The following ARHGEF10L variants were observed in gnomAD, a reference collection of about 807,000 sequenced individuals.
ARHGEF10L encodes the protein Rho guanine nucleotide exchange factor 10 like.
A neutral mutation model predicts 141.2 loss-of-function variants in ARHGEF10L; 69 were observed. The observed-to-expected ratio is 0.49, with a 90% CI of 0.40 to 0.60. The LOEUF is 0.60. Among genes scored for constraint, ARHGEF10L ranks in the 20% least tolerant of loss-of-function variants. ARHGEF10L has a pLI of 0.00. For synonymous variants in ARHGEF10L, 711 were observed against 718.5 expected (o/e 0.99, Z 0.17); for missense variants, 1,482 against 1,734.3 (o/e 0.85, Z 2.58).
chr1:17,576,737 G>A (rs576882367), intron 1 of ARHGEF10L, among the ~76,000 whole-genome samples: 6 of 152,174 alleles, frequency 3.9e-5, no homozygotes, highest in African/African-American at 1.2e-4. Flanking sequence ...AGCACAGGAC[G>A]CTCAGGAAGC....
chr1:17,583,079 G>A (rs1175756622), intron 2 of ARHGEF10L, among the ~76,000 whole-genome samples: 1 of 149,386 alleles, frequency 6.7e-6, no homozygotes, highest in Non-Finnish European at 1.5e-5. Context: ...AAAAATAGCT[G>A]GGCATGGTGA....
intron 6 of ARHGEF10L, among the ~76,000 whole-genome samples, chr1:17,606,300 C>CTT (rs1042783664): frequency 2.0e-5 from 3 of 147,048 alleles, no homozygotes; most frequent in African/African-American, 2.5e-5. Flanking sequence ...TCTTCTTCTT[C>CTT]TTTTTTTTTT....
At chr1:17,691,638 T>C (rs2065117320) in intron 27 of ARHGEF10L, among the ~76,000 whole-genome samples, 1 of 152,210 alleles carries the variant, frequency 6.6e-6, no homozygotes, top group African/African-American at 2.4e-5. Context: ...ATTATCCTAA[T>C]AGCCTCTATT....
intron 25 of ARHGEF10L, among the ~76,000 whole-genome samples, chr1:17,662,740 C>T (rs1236133064): frequency 1.3e-5 from 2 of 152,144 alleles, no homozygotes; most frequent in Non-Finnish European, 2.9e-5. Flanking sequence ...CTTGTGACCA[C>T]ACCCCAGCAG....
At chr1:17,686,533 G>A (rs1205870118) in intron 26 of ARHGEF10L, among the ~76,000 whole-genome samples, 3 of 152,192 alleles carry the variant, frequency 2.0e-5, no homozygotes, top group Non-Finnish European at 4.4e-5. Context: ...GGTGGGGCCT[G>A]CCTCCTGGAC....
chr1:17,561,878 C>T (rs940525844), intron 1 of ARHGEF10L, among the ~76,000 whole-genome samples: 27 of 152,192 alleles, frequency 1.8e-4, no homozygotes, highest in African/African-American at 6.3e-4. Flanking sequence ...TGTTAGCTGT[C>T]GACCACAGCT....
chr1:17,682,370 TCCC>T (rs2064191809), intron 26 of ARHGEF10L, among the ~76,000 whole-genome samples: 2 of 152,130 alleles, frequency 1.3e-5, no homozygotes, highest in African/African-American at 4.8e-5. Context: ...TGTATCTCAG[TCCC>T]ACCACATAGG....
At position 17,673,282 on chromosome 1, in the gene ARHGEF10L, G is replaced by A. The variant is rs997839482; in HGVS notation, c.3009+8687G>A. On this transcript the variant is annotated intron_variant, in intron 26 of 28. Transcript: ENST00000361221. The surrounding 1 kb of genome is among the most constrained non-coding windows in gnomAD (Gnocchi z 4.1). ...TGGTAGCAGCCAGCCCCCGATCCTC[G>A]CCTCCCCTCCACTCTGTGTGTCTCT... Among the ~76,000 whole-genome samples, 3 of 151,860 alleles carry A rather than the reference G, an allele frequency of 2.0e-5. No individual in the cohort carries two copies. The highest frequency in any genetic ancestry group is 7.3e-5 in the African/African-American group (3 of 41,340).
chr1:17,529,820 C>G, the ARHGEF10L span, among the ~76,000 whole-genome samples: 1 of 136,652 alleles, frequency 7.3e-6, no homozygotes, highest in East Asian at 2.4e-4. Context: ...AGGAACACAT[C>G]AGTCTTTTTT....
Position 17,566,441 on chromosome 1 carries a change from T to C in ARHGEF10L, c.-43-14112T>C, listed in dbSNP as rs139603382. 4.1e-3 allele frequency among the ~76,000 whole-genome samples: 622 copies of C among 152,324 alleles called. 4 individuals are homozygous for C. The highest frequency in any genetic ancestry group is 0.014 in the African/African-American group (582 of 41,570). ...GTGGGATGGAAATTTTGAAATCCAA[T>C]ACTGTCTCCCTCCCCAACATCCCAT... On this transcript the variant is annotated intron_variant, in intron 1 of 28. Coordinates refer to ENST00000361221, the MANE Select transcript of ARHGEF10L (RefSeq NM_018125.4).
chr1:17,566,993 A>G (rs1027423552), intron 1 of ARHGEF10L, among the ~76,000 whole-genome samples: 1 of 152,166 alleles, frequency 6.6e-6, no homozygotes, highest in African/African-American at 2.4e-5. Context: ...CTGACAAAGC[A>G]CGTGTGGAAG....
At position 17,573,135 on chromosome 1, in the gene ARHGEF10L, G is replaced by A. The variant is rs552703007; in HGVS notation, c.-43-7418G>A. Among the ~76,000 whole-genome samples the A allele has an allele frequency of 3.4e-4, 51 of 152,156 alleles. No individual in the cohort carries two copies. Among genetic ancestry groups the A allele is most frequent in the South Asian group, 2.1e-4 (1 of 4,834 alleles). On this transcript the variant is annotated intron_variant, in intron 1 of 28. Coordinates refer to ENST00000361221, the MANE Select transcript of ARHGEF10L (RefSeq NM_018125.4). The surrounding 1 kb of genome is among the most constrained non-coding windows in gnomAD (Gnocchi z 4.8). Reference sequence around the variant, plus strand: ...CCCTGCCTGCCTCATCCTCCTGGGGGGCTTTGGGTAGGTCCCTTCCCATCT... The same window carrying A: ...CCCTGCCTGCCTCATCCTCCTGGGGAGCTTTGGGTAGGTCCCTTCCCATCT...
intron 2 of ARHGEF10L, among the ~76,000 whole-genome samples, chr1:17,582,958 GGCTCATGCCTATAATCCTA>G (rs1185542998): frequency 6.2e-4 from 95 of 152,048 alleles, no homozygotes; most frequent in African/African-American, 2.3e-3. Flanking sequence ...CAGGCACAGT[GGCTCATGCCTATAATCCTA>G]GCACTTTGAG....
At chr1:17,651,846 G>C (rs971678347) in intron 22 of ARHGEF10L, among the ~76,000 whole-genome samples, 4 of 152,174 alleles carry the variant, frequency 2.6e-5, no homozygotes, top group African/African-American at 7.2e-5. Flanking sequence ...GGCTGCACTA[G>C]CTAGGCCTCA....
chr1:17,682,918 T>C (rs1390799709), intron 26 of ARHGEF10L, among the ~76,000 whole-genome samples: 1 of 152,118 alleles, frequency 6.6e-6, no homozygotes, highest in East Asian at 1.9e-4. Flanking sequence ...GTTTCACCCT[T>C]TTCTGGTTGG....
chr1:17,526,632 A>G, the ARHGEF10L span, among the ~76,000 whole-genome samples: 1 of 152,166 alleles, frequency 6.6e-6, no homozygotes, highest in Non-Finnish European at 1.5e-5. Context: ...GGCCGGGCAC[A>G]GTCACTCACA....
intron 28 of ARHGEF10L, among the ~76,000 whole-genome samples, chr1:17,695,951 C>A (rs922723955): frequency 6.6e-6 from 1 of 152,102 alleles, no homozygotes; most frequent in Admixed American, 6.5e-5. Flanking sequence ...AATCCTAGCA[C>A]TTTGGGAGGC....
At chr1:17,574,946 C>T (rs1452236146) in intron 1 of ARHGEF10L, among the ~76,000 whole-genome samples, 1 of 152,238 alleles carries the variant, frequency 6.6e-6, no homozygotes, top group Non-Finnish European at 1.5e-5. Context: ...ACCTCACCTT[C>T]CATCTGTTCT....
chr1:17,514,695 A>C, the ARHGEF10L span, among the ~76,000 whole-genome samples: 1 of 152,102 alleles, frequency 6.6e-6, no homozygotes, highest in Non-Finnish European at 1.5e-5. Context: ...GAAAGATGCT[A>C]TTTTCATTTT....
Sources: gnomAD v4.1 joint callset for allele counts (sites outside exome capture counted in the v4.1 genomes callset) on GRCh38, gnomAD v4.1.1 for gene constraint, Gnocchi (gnomAD v3.1) non-coding constraint, MANE v1.5 for transcripts, NCBI Gene and HGNC (gene_info 2026-07-23, HGNC 2026-07-21) for gene names.